Variants in DLG2 observed in about 807,000 individuals in gnomAD.
The protein encoded by DLG2 is discs large MAGUK scaffold protein 2.
A neutral mutation model predicts 132.5 loss-of-function variants in DLG2; 45 were observed. The ratio of observed to expected loss-of-function variants is 0.34; its 90% CI spans 0.27 to 0.44. The LOEUF (loss-of-function observed/expected upper bound fraction) is 0.44. Among genes scored for constraint, DLG2 ranks in the 20% least tolerant of loss-of-function variants. DLG2 has a pLI of 1.00. For synonymous variants in DLG2, 424 were observed against 419.6 expected (o/e 1.01, Z -0.13); for missense variants, 1,045 against 1,196.9 (o/e 0.87, Z 1.87).
At chr11:85,166,290 G>A (rs1000166817) in intron 4 of DLG2, among the ~76,000 whole-genome samples, 17 of 152,006 alleles carry the variant, frequency 1.1e-4, no homozygotes, top group Non-Finnish European at 4.4e-5. Flanking sequence ...ACTACTCAAT[G>A]ATTCTTCATC....
At chr11:84,907,812 AG>A (rs2091682074) in intron 6 of DLG2, among the ~76,000 whole-genome samples, 2 of 152,274 alleles carry the variant, frequency 1.3e-5, no homozygotes, top group South Asian at 4.1e-4. Context: ...TGCACTTGAG[AG>A]GCTGTACATT....
chr11:83,577,500 T>C (rs1003579258), intron 19 of DLG2, among the ~76,000 whole-genome samples: 1 of 132,816 alleles, frequency 7.5e-6, no homozygotes, highest in Non-Finnish European at 1.6e-5. Context: ...ATATATATAA[T>C]AGGATATATT....
At chr11:83,897,376 A>G (rs1222536107) in intron 15 of DLG2, among the ~76,000 whole-genome samples, 4 of 152,188 alleles carry the variant, frequency 2.6e-5, no homozygotes, top group African/African-American at 9.7e-5. Context: ...AACACAAACT[A>G]CCCTTAAGGG....
At chr11:85,508,528 T>C (rs2093986622) in intron 3 of DLG2, among the ~76,000 whole-genome samples, 1 of 152,078 alleles carries the variant, frequency 6.6e-6, no homozygotes, top group Non-Finnish European at 1.5e-5. Flanking sequence ...AGCTGACCTA[T>C]TAAATACTTT....
intron 6 of DLG2, among the ~76,000 whole-genome samples, chr11:84,928,099 G>A (rs1403302604): frequency 2.0e-5 from 3 of 151,802 alleles, no homozygotes; most frequent in Non-Finnish European, 2.9e-5. Context: ...GAAGAGGAAA[G>A]TATAGAAAAC....
At chr11:85,059,346 ACT>A (rs1355240519) in intron 6 of DLG2, among the ~76,000 whole-genome samples, 1 of 151,408 alleles carries the variant, frequency 6.6e-6, no homozygotes. Context: ...ACTTTGGAAA[ACT>A]CTATAAAATT....
intron 6 of DLG2, among the ~76,000 whole-genome samples, chr11:84,734,121 G>A (rs923152686): frequency 6.6e-6 from 1 of 152,126 alleles, no homozygotes; most frequent in Non-Finnish European, 1.5e-5. Flanking sequence ...GGCAATGCGG[G>A]CTCTTTTTTG....
intron 6 of DLG2, among the ~76,000 whole-genome samples, chr11:84,723,744 C>T (rs117757231): frequency 1.1e-3 from 170 of 152,168 alleles, no homozygotes; most frequent in Admixed American, 1.7e-3. Context: ...AAGGAGATGA[C>T]GCATTCATTT....
chr11:84,423,815 CAT>C (rs1261664402), intron 7 of DLG2, among the ~76,000 whole-genome samples: 5 of 151,980 alleles, frequency 3.3e-5, no homozygotes, highest in African/African-American at 1.2e-4. Context: ...GACATGAAAA[CAT>C]ACATAGGCAA....
At chr11:84,453,383 A>G (rs1262694883) in intron 7 of DLG2, among the ~76,000 whole-genome samples, 1 of 151,674 alleles carries the variant, frequency 6.6e-6, no homozygotes, top group African/African-American at 2.4e-5. Context: ...GTTCTATGTA[A>G]TGGAACTGGT....
chr11:83,833,428 C>T (rs1270325720), intron 17 of DLG2, among the ~76,000 whole-genome samples, 186 bp downstream of exon 17: 2 of 152,030 alleles, frequency 1.3e-5, no homozygotes, highest in South Asian at 2.1e-4. Flanking sequence ...ACAGACAGAG[C>T]GAGATTCTGT....
At chr11:84,221,052 C>T (rs1281504060) in intron 8 of DLG2, among the ~76,000 whole-genome samples, 1 of 151,500 alleles carries the variant, frequency 6.6e-6, no homozygotes, top group East Asian at 1.9e-4. Context: ...GATCCACCTG[C>T]CTCAACCTCT....
intron 21 of DLG2, among the ~76,000 whole-genome samples, chr11:83,506,783 T>G (rs546197049): frequency 2.0e-5 from 3 of 152,224 alleles, no homozygotes; most frequent in Non-Finnish European, 4.4e-5. Context: ...GTTTCTATTG[T>G]AAGTTGCAGG....
At chr11:84,902,565 C>A (rs117881741) in intron 6 of DLG2, among the ~76,000 whole-genome samples, 1 of 152,108 alleles carries the variant, frequency 6.6e-6, no homozygotes, top group Non-Finnish European at 1.5e-5. Flanking sequence ...GGGTTCTGTC[C>A]GTAGCTATTC....
chr11:83,730,453 A>C (rs59776077), intron 18 of DLG2, among the ~76,000 whole-genome samples: 11,722 of 152,174 alleles, frequency 0.077, 1,557 homozygotes, highest in African/African-American at 0.26. Context: ...AGCTAAAGAC[A>C]ATCAAGAAGA....
chr11:85,117,078 G>C (rs1006496840), intron 5 of DLG2, among the ~76,000 whole-genome samples: 2 of 151,970 alleles, frequency 1.3e-5, no homozygotes, highest in Admixed American at 6.6e-5. Flanking sequence ...GCTTCATATG[G>C]GTTAGCCTGC....
At chr11:83,934,655 G>C (rs2081067903) in intron 14 of DLG2, among the ~76,000 whole-genome samples, 1 of 152,104 alleles carries the variant, frequency 6.6e-6, no homozygotes, top group Non-Finnish European at 1.5e-5. Flanking sequence ...ACTTTATTGA[G>C]TTTTCTAACT....
intron 7 of DLG2, among the ~76,000 whole-genome samples, chr11:84,313,651 A>AAGAAAGAAAG (rs1555500617): frequency 4.7e-5 from 7 of 148,222 alleles, no homozygotes; most frequent in Non-Finnish European, 1.0e-4. Context: ...AAAAGAAAGA[A>AAGAAAGAAAG]AGAAAGAAAG....
intron 16 of DLG2, among the ~76,000 whole-genome samples, chr11:83,852,002 G>A (rs1334215822): frequency 1.3e-5 from 2 of 152,068 alleles, no homozygotes; most frequent in African/African-American, 2.4e-5. Flanking sequence ...GCCAGTGTTG[G>A]AGTGGTGCAG....
Sources: allele counts gnomAD v4.1 joint callset (sites outside exome capture counted in the v4.1 genomes callset), GRCh38; gene constraint gnomAD v4.1.1; transcripts MANE v1.5; gene names NCBI Gene and HGNC (gene_info 2026-07-23, HGNC 2026-07-21).